The following RIOX2 variants were observed in gnomAD, a reference collection of about 807,000 sequenced individuals.
RIOX2 encodes ribosomal oxygenase 2.
RIOX2 carries 43 observed loss-of-function variants against 51.2 expected under a neutral mutation model. The observed-to-expected ratio is 0.84, with a 90% CI of 0.66 to 1.08. RIOX2 has a LOEUF of 1.08. Ranked by LOEUF, RIOX2 falls within the 50% of genes least tolerant of loss-of-function variation. RIOX2 has a pLI of 0.00. For missense variants in RIOX2, 566 were observed against 561.7 expected, an observed-to-expected ratio of 1.01 and a Z score of -0.08; for synonymous variants, 226 against 218.5, an observed-to-expected ratio of 1.03 and a Z score of -0.30.
chr3:97,956,533 G>A (rs1163939627), intron 4 of RIOX2, among the ~76,000 whole-genome samples: 3 of 146,756 alleles, frequency 2.0e-5, no homozygotes, highest in Admixed American at 1.4e-4. Context: ...TTTCGTTCTT[G>A]TTGCCCAGGC....
rs761266308 is a variant in RIOX2, at chr3:97,943,336, G to A, written c.*1848C>T. The stretch of plus-strand genomic sequence containing the variant: ...GTGAGAGAATCAACATCCCTAGAAA[G>A]ATCCCTAGAAAGAGCAAAGAAGGAA... On this transcript the variant is annotated 3_prime_UTR_variant, in exon 10 of 10. Coordinates refer to ENST00000394198, the MANE Select transcript of RIOX2 (RefSeq NM_153182.4). 2.2e-6 allele frequency: 3 copies of A among 1,371,362 alleles called. No individual in the cohort carries two copies. The highest frequency in any genetic ancestry group is 3.1e-6 in the Non-Finnish European group (3 of 963,996). 84.9% of individuals were successfully genotyped at this position (1,371,362 alleles called of 1,614,324 possible).
intron 8 of RIOX2, among the ~76,000 whole-genome samples, chr3:97,946,391 G>T (rs2040357789): frequency 6.6e-6 from 1 of 151,590 alleles, no homozygotes; most frequent in Admixed American, 6.6e-5. Context: ...CTCCCAAATG[G>T]TCCCTATCTC....
In RIOX2 at chr3:97,954,436, C is replaced by T; in HGVS notation, c.741G>A (p.Gly247=). 5 of 1,614,056 alleles carry T rather than the reference C, an allele frequency of 3.1e-6. No individual in the cohort carries two copies. Among genetic ancestry groups the T allele is most frequent in the East Asian group, 2.2e-5 (1 of 44,892 alleles). ...TGGTCACGTGAGTAGAGTGGGCCAG[C>T]CCCGCAGGAGTGTCCGCTTGATGAA... The part of the protein sequence containing the change: ...GTIHQADTPA[G]LAHSTHVTIS... The change falls in exon 5 of 10, where the codon GGG becomes GGA. Residue 247 remains glycine, a synonymous_variant. Transcript: ENST00000394198.
chr3:97,963,865 G>A (rs1171317561), intron 2 of RIOX2, among the ~76,000 whole-genome samples: 7 of 152,048 alleles, frequency 4.6e-5, no homozygotes, highest in Non-Finnish European at 8.8e-5. Context: ...AACCACCTCG[G>A]TTCAAGTTAT....
intron 4 of RIOX2, among the ~76,000 whole-genome samples, chr3:97,958,568 G>A (rs971181056): frequency 6.6e-6 from 1 of 152,216 alleles, no homozygotes; most frequent in South Asian, 2.1e-4. Flanking sequence ...GGGGCACAGA[G>A]ATAGCCTGAC....
chr3:97,964,111 G>A (rs1705784564), intron 2 of RIOX2, among the ~76,000 whole-genome samples: 1 of 152,134 alleles, frequency 6.6e-6, no homozygotes, highest in Non-Finnish European at 1.5e-5. Context: ...GGAGGACCTA[G>A]AACAGTGAAA....
chr3:97,961,687 C>A lies in RIOX2; in HGVS notation c.454G>T (p.Glu152Ter), dbSNP rs761727479. The change falls in exon 3 of 10, where the codon GAG (glutamate) becomes TAG (stop). Residue 152 changes from glutamate to a stop codon, truncating the protein, a stop_gained. Coordinates refer to ENST00000394198, the MANE Select transcript of RIOX2 (RefSeq NM_153182.4). LOFTEE classifies it high-confidence loss of function. The part of the protein sequence containing the change: ...RFKDELWRIQ[E>*]KLECYFGSLV... ...GAGCCAAAGTAACATTCCAGCTTCT[C>A]CTGGATCCTCCAAAGCTCATCCTTT... 6.8e-6 allele frequency: 11 copies of A among 1,610,720 alleles called. No individual in the cohort carries two copies. In the South Asian group the frequency reaches 1.2e-4, roughly 18 times the overall value.
rs754224112 is a variant in RIOX2, at chr3:97,945,244, A to G, written c.1338T>C (p.Asp446=). The change falls in exon 10 of 10, where the codon GAT becomes GAC. Residue 446 remains aspartate (D), a synonymous_variant. Coordinates refer to ENST00000394198, the MANE Select transcript of RIOX2 (RefSeq NM_153182.4). ...ISVKDLKLTT[D]EEKESLVLSL... ...ATAATACCAGGCTTTCCTTTTCCTC[A>G]TCTGTAGTAAGTTTCAGGTCCTTGA... is the stretch of plus-strand genomic sequence containing the variant. 6.2e-7 allele frequency: 1 copy of G among 1,612,766 alleles called. No individual in the cohort carries two copies.
Position 97,942,770 on chromosome 3 carries a change from G to T in RIOX2, c.*2414C>A. The T allele has an allele frequency of 4.4e-6, 1 of 228,084 alleles. No homozygotes were observed. The highest frequency in any genetic ancestry group is 1.2e-4 in the South Asian group (1 of 8,658). 14.1% of individuals were successfully genotyped at this position (228,084 alleles called of 1,614,324 possible). A position where few individuals can be genotyped will look rare whatever the true frequency, so the allele number is the denominator to read the frequency against. On this transcript the variant is annotated 3_prime_UTR_variant, in exon 10 of 10. Coordinates refer to ENST00000394198, the MANE Select transcript of RIOX2 (RefSeq NM_153182.4). ...AGAAACATCTCTAGCTTTTTGCCAG[G>T]AATTGCCATGGTCCTTAAAAACCCT...
intron 1 of RIOX2, among the ~76,000 whole-genome samples, chr3:97,970,183 A>C (rs1377928229): frequency 6.6e-6 from 1 of 152,246 alleles, no homozygotes; most frequent in Non-Finnish European, 1.5e-5. Context: ...AAAACACTTA[A>C]GCCAAAATAA....
chr3:97,966,753 C>T (rs78433175), intron 2 of RIOX2, among the ~76,000 whole-genome samples: 4 of 152,032 alleles, frequency 2.6e-5, no homozygotes, highest in African/African-American at 9.7e-5. Flanking sequence ...GAAGCAACTT[C>T]GGGAAAAAAT....
chr3:97,954,364 G>C, intron 5 of RIOX2, 28 bp downstream of exon 5: 1 of 1,537,252 alleles, frequency 6.5e-7, no homozygotes, highest in Admixed American at 1.7e-5. Context: ...AGCTGTCCTA[G>C]CATGTGCAGC....
intron 4 of RIOX2, among the ~76,000 whole-genome samples, chr3:97,957,536 C>A (rs901682803): frequency 6.6e-6 from 1 of 150,508 alleles, no homozygotes; most frequent in Admixed American, 6.6e-5. Flanking sequence ...TACACATACA[C>A]ACTTGAACAA....
At chr3:97,960,882 G>A (rs565994878) in intron 3 of RIOX2, among the ~76,000 whole-genome samples, 1 of 152,022 alleles carries the variant, frequency 6.6e-6, no homozygotes, top group Non-Finnish European at 1.5e-5. Flanking sequence ...GGAAAACTTC[G>A]AGTTTTTTAT....
intron 8 of RIOX2, among the ~76,000 whole-genome samples, chr3:97,946,392 TC>T (rs1242892138): frequency 5.9e-5 from 9 of 151,744 alleles, no homozygotes; most frequent in Non-Finnish European, 1.0e-4. Flanking sequence ...TCCCAAATGG[TC>T]CCTATCTCCC....
chr3:97,967,891 C>A (rs1705955345), intron 1 of RIOX2, among the ~76,000 whole-genome samples: 1 of 152,170 alleles, frequency 6.6e-6, no homozygotes, highest in African/African-American at 2.4e-5. Flanking sequence ...AGCACTATGT[C>A]ATGGTATTAT....
At chr3:97,961,942 G>A (rs1705693385) in intron 2 of RIOX2, among the ~76,000 whole-genome samples, 1 of 152,166 alleles carries the variant, frequency 6.6e-6, no homozygotes, top group Non-Finnish European at 1.5e-5. Flanking sequence ...TGACTGACAA[G>A]GTGGGCAATT....
At chr3:97,947,871 T>G (rs1387772032) in intron 7 of RIOX2, among the ~76,000 whole-genome samples, 2 of 152,190 alleles carry the variant, frequency 1.3e-5, no homozygotes, top group East Asian at 3.9e-4. Context: ...CCACCAATTA[T>G]TAGGTGTGTG....
intron 4 of RIOX2, among the ~76,000 whole-genome samples, chr3:97,958,683 G>GCTGA (rs1208002197): frequency 2.0e-5 from 3 of 152,222 alleles, no homozygotes; most frequent in African/African-American, 4.8e-5. Flanking sequence ...CCAGCCCTGT[G>GCTGA]CTGACCATCG....
Sources: gnomAD v4.1 joint callset for allele counts (sites outside exome capture counted in the v4.1 genomes callset) on GRCh38, gnomAD v4.1.1 for gene constraint, MANE v1.5 for transcripts, NCBI Gene and HGNC (gene_info 2026-07-23, HGNC 2026-07-21) for gene names.